The following OXR1 variants were observed in gnomAD, a reference collection of about 807,000 sequenced individuals.
OXR1 encodes oxidation resistance protein 1.
A neutral mutation model predicts 104.6 loss-of-function variants in OXR1; 41 were observed. That is an observed-to-expected ratio of 0.39 (90% CI 0.31 to 0.51). The LOEUF (loss-of-function observed/expected upper bound fraction) is 0.51. Among genes scored for constraint, OXR1 ranks in the 20% least tolerant of loss-of-function variants. The pLI is 0.77. For missense variants in OXR1, 955 were observed against 1,031.9 expected, an observed-to-expected ratio of 0.93 and a Z score of 1.02; for synonymous variants, 348 against 348.4, an observed-to-expected ratio of 1.00 and a Z score of 0.01.
chr8:106,681,515 T>TTTTTA (rs1160016026), intron 4 of OXR1, among the ~76,000 whole-genome samples: 1 of 152,142 alleles, frequency 6.6e-6, no homozygotes, highest in Non-Finnish European at 1.5e-5. Flanking sequence ...AATGCCTCTT[T>TTTTTA]TTTTATTTTA....
At position 106,302,381 on chromosome 8, in the gene OXR1, G is replaced by C. The variant is rs1813274450; in HGVS notation, c.-139+32014G>C. Among the ~76,000 whole-genome samples the C allele has an allele frequency of 3.3e-5, 5 of 152,174 alleles. 1 individual carries two copies. The South Asian group carries it at 8.3e-4, about 25-fold the overall frequency. On this transcript the variant is annotated intron_variant, in intron 1 of 16. Transcript: ENST00000517566. The stretch of plus-strand genomic sequence containing the variant: ...GTGGATCACGAGGTCAGGAGATCGA[G>C]ATCATCCTGGCTAACACGGTGAAAC...
At chr8:106,590,136 T>C (rs1274679935) in intron 3 of OXR1, among the ~76,000 whole-genome samples, 1 of 152,224 alleles carries the variant, frequency 6.6e-6, no homozygotes. Context: ...ACAACAGCAA[T>C]AGAAAGTAAT....
chr8:106,350,440 G>C (rs1297953673), intron 1 of OXR1, among the ~76,000 whole-genome samples: 3 of 152,106 alleles, frequency 2.0e-5, no homozygotes, highest in East Asian at 3.9e-4. Flanking sequence ...ATTTCTGAAG[G>C]GGGTGCTTAG....
intron 1 of OXR1, among the ~76,000 whole-genome samples, chr8:106,300,860 A>G (rs1489329192): frequency 1.1e-4 from 16 of 152,192 alleles, no homozygotes; most frequent in Admixed American, 9.8e-4. Context: ...GGGAGAAACA[A>G]TCTCTTCATA....
intron 3 of OXR1, among the ~76,000 whole-genome samples, chr8:106,645,269 G>A (rs1012822743): frequency 2.0e-5 from 3 of 152,130 alleles, no homozygotes; most frequent in Non-Finnish European, 4.4e-5. Flanking sequence ...AACCAGTAGG[G>A]TAGGTACAAA....
chr8:106,415,511 G>T (rs989630248), intron 2 of OXR1, among the ~76,000 whole-genome samples: 1 of 151,844 alleles, frequency 6.6e-6, no homozygotes, highest in African/African-American at 2.4e-5. Flanking sequence ...GTGTGTGTGT[G>T]TGTGTCTGTG....
chr8:106,368,429 T>C (rs1306605320), intron 2 of OXR1, among the ~76,000 whole-genome samples: 2 of 152,156 alleles, frequency 1.3e-5, no homozygotes, highest in Admixed American at 6.5e-5. Flanking sequence ...TTATTTTTAT[T>C]TTTTGTTTCT....
chr8:106,615,992 A>C (rs1821187695), intron 3 of OXR1, among the ~76,000 whole-genome samples: 1 of 151,702 alleles, frequency 6.6e-6, no homozygotes, highest in Non-Finnish European at 1.5e-5. Context: ...CATGTCACTA[A>C]GGAAGAGAAT....
chr8:106,413,928 A>T (rs1484130079), intron 2 of OXR1, among the ~76,000 whole-genome samples: 1 of 151,980 alleles, frequency 6.6e-6, no homozygotes, highest in Non-Finnish European at 1.5e-5. Flanking sequence ...GGGTTTCACC[A>T]TGTTGACCAT....
At chr8:106,725,280 A>G (rs1833221257) in intron 11 of OXR1, among the ~76,000 whole-genome samples, 1 of 152,004 alleles carries the variant, frequency 6.6e-6, no homozygotes, top group East Asian at 1.9e-4. Flanking sequence ...GTTGGGATGC[A>G]GTATTGCGTG....
intron 2 of OXR1, among the ~76,000 whole-genome samples, chr8:106,503,718 G>C (rs528376673): frequency 6.6e-6 from 1 of 152,308 alleles, no homozygotes; most frequent in African/African-American, 2.4e-5. Context: ...GCTGAAACCT[G>C]CGGGGCAAAG....
Position 106,276,693 on chromosome 8 carries a change from C to T in OXR1, c.-139+6326C>T, listed in dbSNP as rs183885122. ...TGTTTCTTCTGTTTATTTAAAAATG[C>T]TCAAGAACCGATATTTAGCTCAAGA... On this transcript the variant is annotated intron_variant, in intron 1 of 16. Coordinates refer to ENST00000517566, the MANE Select transcript of OXR1 (RefSeq NM_001198533.2). Among the ~76,000 whole-genome samples, 78 of 148,206 alleles carry T rather than the reference C, an allele frequency of 5.3e-4. 1 individual carries two copies. The highest frequency in any genetic ancestry group is 4.8e-3 in the Admixed American group (70 of 14,730).
chr8:106,724,477 A>C (rs999053201), intron 11 of OXR1, among the ~76,000 whole-genome samples: 50 of 152,348 alleles, frequency 3.3e-4, no homozygotes, highest in African/African-American at 1.2e-3. Context: ...TTCGAGAAAC[A>C]GAAAACCACA....
intron 11 of OXR1, among the ~76,000 whole-genome samples, chr8:106,722,696 A>G (rs1332758027): frequency 6.6e-6 from 1 of 152,202 alleles, no homozygotes; most frequent in Non-Finnish European, 1.5e-5. Flanking sequence ...CATACCGTAT[A>G]ACCTGGTTAT....
At chr8:106,502,134 T>G (rs151251395) in intron 2 of OXR1, among the ~76,000 whole-genome samples, 1 of 152,338 alleles carries the variant, frequency 6.6e-6, no homozygotes, top group African/African-American at 2.4e-5. Flanking sequence ...TATCAGGAAT[T>G]ACAGGCAGCA....
At chr8:106,289,098 C>T (rs903065937) in intron 1 of OXR1, among the ~76,000 whole-genome samples, 4 of 152,104 alleles carry the variant, frequency 2.6e-5, no homozygotes, top group African/African-American at 4.8e-5. Flanking sequence ...GAAGCATTCC[C>T]CTTAAGAACT....
chr8:106,506,996 G>T (rs1812208748), intron 2 of OXR1, among the ~76,000 whole-genome samples: 1 of 151,892 alleles, frequency 6.6e-6, no homozygotes, highest in Non-Finnish European at 1.5e-5. Context: ...GGCTGAGGTG[G>T]GAAGATCCCT....
chr8:106,558,970 G>C (rs1330904529), intron 3 of OXR1, among the ~76,000 whole-genome samples: 1 of 152,158 alleles, frequency 6.6e-6, no homozygotes, highest in African/African-American at 2.4e-5. Flanking sequence ...GTCTTTTCCT[G>C]AGAATTTTCC....
chr8:106,591,298 G>GA (rs1231676906), intron 3 of OXR1, among the ~76,000 whole-genome samples: 3 of 96,876 alleles, frequency 3.1e-5, no homozygotes, highest in Admixed American at 2.5e-4. Context: ...GGGGTGGGGG[G>GA]AGGGGGGAGG....
Sources: allele counts gnomAD v4.1 joint callset (sites outside exome capture counted in the v4.1 genomes callset), GRCh38; gene constraint gnomAD v4.1.1; transcripts MANE v1.5; gene names NCBI Gene and HGNC (gene_info 2026-07-23, HGNC 2026-07-21).